CAMTA1: variants seen among roughly 807,000 people sequenced by gnomAD.
CAMTA1 encodes the protein calmodulin binding transcription activator 1.
A neutral mutation model predicts 170.9 loss-of-function variants in CAMTA1; 27 were observed. The ratio of observed to expected loss-of-function variants is 0.16; its 90% CI spans 0.12 to 0.22. CAMTA1 has a LOEUF of 0.22. Ranked by LOEUF, CAMTA1 falls within the 10% of genes least tolerant of loss-of-function variation. The pLI, the probability that CAMTA1 is intolerant of heterozygous loss-of-function variation, is 1.00. For synonymous variants in CAMTA1, 833 were observed against 891.5 expected, an observed-to-expected ratio of 0.93 and a Z score of 1.17; for missense variants, 1,619 against 2,217.2, an observed-to-expected ratio of 0.73 and a Z score of 5.42.
chr1:7,196,020 GA>G (rs899021481), intron 4 of CAMTA1, among the ~76,000 whole-genome samples: 13 of 148,930 alleles, frequency 8.7e-5, no homozygotes, highest in South Asian at 2.1e-4. Context: ...CTGTCTCAAA[GA>G]AAAAAAAAAT....
intron 5 of CAMTA1, among the ~76,000 whole-genome samples, chr1:7,270,127 A>C (rs191131586): frequency 1.4e-4 from 21 of 151,794 alleles, no homozygotes; most frequent in Non-Finnish European, 2.5e-4. Flanking sequence ...TTTAGACCAA[A>C]AAAAGTGTTG....
At chr1:7,122,761 TC>T (rs1644719531) in intron 4 of CAMTA1, among the ~76,000 whole-genome samples, 2 of 152,106 alleles carry the variant, frequency 1.3e-5, no homozygotes, top group Non-Finnish European at 2.9e-5. Flanking sequence ...CCCATGCCCA[TC>T]TTCACTCCGC....
intron 3 of CAMTA1, among the ~76,000 whole-genome samples, chr1:6,997,422 T>C (rs1017042581): frequency 2.6e-5 from 4 of 152,136 alleles, no homozygotes; most frequent in African/African-American, 9.7e-5. Flanking sequence ...GATCATGACA[T>C]CTTCTTGTGT....
At chr1:7,312,283 G>A (rs1676843404) in intron 5 of CAMTA1, among the ~76,000 whole-genome samples, 1 of 152,002 alleles carries the variant, frequency 6.6e-6, no homozygotes, top group African/African-American at 2.4e-5. Context: ...CCTGGGGGCT[G>A]CAGTGCAAGT....
chr1:7,163,470 A>G (rs1647687826), intron 4 of CAMTA1, among the ~76,000 whole-genome samples: 1 of 152,118 alleles, frequency 6.6e-6, no homozygotes, highest in African/African-American at 2.4e-5. Context: ...GAGTCCACAG[A>G]TGGCAGTGAT....
intron 3 of CAMTA1, among the ~76,000 whole-genome samples, chr1:7,057,340 G>C (rs1416117535): frequency 6.6e-6 from 1 of 152,314 alleles, no homozygotes; most frequent in Admixed American, 6.5e-5. Context: ...AAGCACCTGC[G>C]TCGCAGCCAG....
intron 4 of CAMTA1, among the ~76,000 whole-genome samples, chr1:7,158,836 A>C (rs1470379767): frequency 6.6e-6 from 1 of 152,196 alleles, no homozygotes; most frequent in Non-Finnish European, 1.5e-5. Flanking sequence ...CTAGATTCTT[A>C]AAAATGATGG....
chr1:7,250,122 T>TGTGCATGATTC (rs1666395223), intron 5 of CAMTA1, among the ~76,000 whole-genome samples: 1 of 152,074 alleles, frequency 6.6e-6, no homozygotes, highest in African/African-American at 2.4e-5. Context: ...GGATCACAGG[T>TGTGCATGATTC]GTGCATGATT....
intron 3 of CAMTA1, among the ~76,000 whole-genome samples, chr1:7,018,341 C>T (rs1028221944): frequency 2.5e-4 from 38 of 152,110 alleles, no homozygotes; most frequent in African/African-American, 7.0e-4. Context: ...GTGAGGGACA[C>T]GGACCTACTG....
intron 4 of CAMTA1, among the ~76,000 whole-genome samples, chr1:7,129,796 T>C (rs1292477144): frequency 6.6e-6 from 1 of 152,230 alleles, no homozygotes; most frequent in Admixed American, 6.5e-5. Context: ...TCATCCCTTC[T>C]GTCCCTCTCC....
intron 3 of CAMTA1, among the ~76,000 whole-genome samples, chr1:7,079,841 C>T (rs1439025324): frequency 6.6e-6 from 1 of 152,132 alleles, no homozygotes; most frequent in Non-Finnish European, 1.5e-5. Context: ...AGAATTTTTG[C>T]AGACTTCTCA....
At position 7,044,795 on chromosome 1, in the gene CAMTA1, C is replaced by G. The variant is rs1417619111; in HGVS notation, c.235-46509C>G. Among the ~76,000 whole-genome samples the G allele has an allele frequency of 6.6e-6, 1 of 150,652 alleles. No homozygotes were observed. Among genetic ancestry groups the G allele is most frequent in the African/African-American group, 2.4e-5 (1 of 40,934 alleles). On this transcript the variant is annotated intron_variant, in intron 3 of 22. Coordinates refer to ENST00000303635, the MANE Select transcript of CAMTA1 (RefSeq NM_015215.4). The surrounding 1 kb of genome is among the most constrained non-coding windows in gnomAD (Gnocchi z 5.0). ...CTGCCTGGCGCATCTTTCCCCCTCACGTCCTCTCCCCCACTCCCTCCTCTT... is the reference window on the plus strand; with the variant it reads ...CTGCCTGGCGCATCTTTCCCCCTCAGGTCCTCTCCCCCACTCCCTCCTCTT...
At chr1:6,917,721 G>C (rs1164745814) in intron 3 of CAMTA1, among the ~76,000 whole-genome samples, 1 of 151,230 alleles carries the variant, frequency 6.6e-6, no homozygotes, top group African/African-American at 2.4e-5. Flanking sequence ...CAGAGCCAAG[G>C]ATAGCCCAGG....
At chr1:7,759,750 C>T (rs544433454) in intron 22 of CAMTA1, among the ~76,000 whole-genome samples, 33 of 152,250 alleles carry the variant, frequency 2.2e-4, no homozygotes, top group African/African-American at 6.7e-4. Flanking sequence ...AACCAAGATA[C>T]CTCATATGTT....
chr1:7,599,293 G>T (rs2095423059), intron 6 of CAMTA1, among the ~76,000 whole-genome samples: 1 of 152,274 alleles, frequency 6.6e-6, no homozygotes, highest in East Asian at 1.9e-4. Flanking sequence ...TGTTCCATTG[G>T]TCGACATCTC....
At chr1:7,036,354 C>T (rs1703593448) in intron 3 of CAMTA1, among the ~76,000 whole-genome samples, 2 of 152,296 alleles carry the variant, frequency 1.3e-5, no homozygotes, top group East Asian at 1.9e-4. Flanking sequence ...CTCAGTTCTA[C>T]GTGAAAACTG....
chr1:7,566,851 T>C (rs2095049377), intron 6 of CAMTA1, among the ~76,000 whole-genome samples: 1 of 152,230 alleles, frequency 6.6e-6, no homozygotes, highest in Non-Finnish European at 1.5e-5. Context: ...TAGGAGCATT[T>C]CACATGCTGC....
At chr1:7,712,789 A>G (rs1036461051) in intron 11 of CAMTA1, among the ~76,000 whole-genome samples, 1 of 152,178 alleles carries the variant, frequency 6.6e-6, no homozygotes, top group Admixed American at 6.5e-5. Flanking sequence ...ACTCAGTTCC[A>G]CATAGCTGGG....
chr1:6,832,583 T>C (rs1650810134), intron 3 of CAMTA1, among the ~76,000 whole-genome samples: 1 of 152,206 alleles, frequency 6.6e-6, no homozygotes, highest in African/African-American at 2.4e-5. Flanking sequence ...TTTAAGACTC[T>C]TCAGACTTCC....
Sources: gnomAD v4.1 joint callset for allele counts (sites outside exome capture counted in the v4.1 genomes callset) on GRCh38, gnomAD v4.1.1 for gene constraint, Gnocchi (gnomAD v3.1) non-coding constraint, MANE v1.5 for transcripts, NCBI Gene and HGNC (gene_info 2026-07-23, HGNC 2026-07-21) for gene names.